SLCO4A1: variants seen among roughly 807,000 people sequenced by gnomAD.
The protein encoded by SLCO4A1 is colon organic anion transporter.
A neutral mutation model predicts 64.6 loss-of-function variants in SLCO4A1; 51 were observed. That is an observed-to-expected ratio of 0.79 (90% CI 0.63 to 1.00). The LOEUF (loss-of-function observed/expected upper bound fraction) is 1.00, where lower values mean the gene tolerates loss of function less well. Among genes scored for constraint, SLCO4A1 ranks in the 50% least tolerant of loss-of-function variants. The pLI, the probability that SLCO4A1 is intolerant of heterozygous loss-of-function variation, is 0.00. For synonymous variants in SLCO4A1, 471 were observed against 444.9 expected (o/e 1.06, Z -0.74); for missense variants, 919 against 980.5 (o/e 0.94, Z 0.84).
At chr20:62,655,028 T>G (rs1263096350) in intron 1 of SLCO4A1, among the ~76,000 whole-genome samples, 1 of 152,224 alleles carries the variant, frequency 6.6e-6, no homozygotes. Flanking sequence ...AATGTCCCTG[T>G]TTAACCTTAG....
downstream of SLCO4A1, among the ~76,000 whole-genome samples, chr20:62,685,957 C>T (rs2147119083): frequency 6.6e-6 from 1 of 152,204 alleles, no homozygotes; most frequent in South Asian, 2.1e-4. This position sits in a 1 kb window ranked among gnomAD's most constrained non-coding sequence, Gnocchi z 4.6. Flanking sequence ...CCTCCCTGGC[C>T]ACTCCCATCT....
downstream of SLCO4A1, among the ~76,000 whole-genome samples, chr20:62,672,814 C>T (rs1160989477): frequency 6.6e-6 from 1 of 152,068 alleles, no homozygotes; most frequent in African/African-American, 2.4e-5. Flanking sequence ...CTCTGCCATC[C>T]GGAGCTCCTT....
chr20:62,654,495 C>G lies in SLCO4A1; in HGVS notation c.-96-1864C>G, dbSNP rs576025758. On this transcript the variant is annotated intron_variant, in intron 1 of 11. Transcript: ENST00000217159. ...CCAGCCCAGGTCCCCACGGGACTGC[C>G]TGCTGTCCCTGCATCTCCGTGCATC... Among the ~76,000 whole-genome samples the G allele has an allele frequency of 1.3e-4, 20 of 152,258 alleles. No homozygotes were observed. The East Asian group carries it at 1.7e-3, about 13-fold the overall frequency.
At chr20:62,669,397 T>C (rs1986925409) in intron 11 of SLCO4A1, among the ~76,000 whole-genome samples, 3 of 152,216 alleles carry the variant, frequency 2.0e-5, no homozygotes, top group African/African-American at 4.8e-5. Context: ...GGGATGCCCG[T>C]TAACTAAAAG....
chr20:62,671,565 A>G (rs1414658657), intron 11 of SLCO4A1, among the ~76,000 whole-genome samples, 185 bp from the exon 12 acceptor site: 1 of 151,478 alleles, frequency 6.6e-6, no homozygotes, highest in Admixed American at 6.6e-5. Flanking sequence ...CCTCTTTAAC[A>G]ATATTGGCGT....
chr20:62,658,896 G>A, intron 3 of SLCO4A1, 129 bp downstream of exon 3: 1 of 772,474 alleles, frequency 1.3e-6, no homozygotes, highest in Non-Finnish European at 2.1e-6. Context: ...CCCCCGGGCT[G>A]GAGGGAGTCA....
intron 6 of SLCO4A1, 40 bp downstream of exon 6, chr20:62,665,128 C>T (rs1191532257): frequency 8.9e-6 from 14 of 1,575,716 alleles, no homozygotes; most frequent in Admixed American, 5.5e-5. Context: ...GCTTTTATGT[C>T]AGTTCTCAGA....
chr20:62,660,372 G>T, intron 3 of SLCO4A1, 40 bp from the exon 4 acceptor site: 1 of 1,591,150 alleles, frequency 6.3e-7, no homozygotes, highest in Non-Finnish European at 8.5e-7. Flanking sequence ...GGGCACAGGT[G>T]GGCTGCACGC....
At position 62,668,510 on chromosome 20, in the gene SLCO4A1, G is replaced by T. The variant is rs1601675074; in HGVS notation, c.1845G>T (p.Leu615=). The change falls in exon 10 of 12, where the codon CTG becomes CTT. Residue 615 remains leucine (L), a synonymous_variant. Transcript: ENST00000217159. ...CVRDPQRSFA[L]GIQWIVVRIL... ...GTGACCCTCAGAGATCCTTTGCCCTGGGAATCCAGTGGATTGTAGTTAGAA... is the reference window on the plus strand; with the variant it reads ...GTGACCCTCAGAGATCCTTTGCCCTTGGAATCCAGTGGATTGTAGTTAGAA... 1.9e-6 allele frequency: 3 copies of T among 1,613,934 alleles called. No homozygotes were observed. The highest frequency in any genetic ancestry group is 1.7e-4 in the Middle Eastern group (1 of 6,056).
At chr20:62,664,106 A>G (rs1455457353) in intron 5 of SLCO4A1, among the ~76,000 whole-genome samples, 1 of 152,092 alleles carries the variant, frequency 6.6e-6, no homozygotes, top group South Asian at 2.1e-4. Context: ...CCAGGGGGCT[A>G]TGTCCTTATC....
At position 62,660,132 on chromosome 20, in the gene SLCO4A1, G is replaced by A. The variant is rs1336440439; in HGVS notation, c.888-280G>A. On this transcript the variant is annotated intron_variant, in intron 3 of 11. Transcript: ENST00000217159. ...CCTCTTAGTGCCCAACCCCACCGTG[G>A]TCTCAGGACCAGGCCACAGGTGGCA... is the stretch of plus-strand genomic sequence containing the variant. Among the ~76,000 whole-genome samples, 13 of 152,308 alleles carry A rather than the reference G, an allele frequency of 8.5e-5. No homozygotes were observed. In the East Asian group the frequency reaches 2.5e-3, roughly 29 times the overall value.
downstream of SLCO4A1, among the ~76,000 whole-genome samples, chr20:62,674,803 G>A (rs1987510556): frequency 6.6e-6 from 1 of 152,206 alleles, no homozygotes; most frequent in South Asian, 2.1e-4. Context: ...TGTAACAGAG[G>A]AAGAGACCAA....
intron 5 of SLCO4A1, among the ~76,000 whole-genome samples, chr20:62,664,150 A>T (rs1485945416): frequency 6.6e-6 from 1 of 152,068 alleles, no homozygotes; most frequent in African/African-American, 2.4e-5. Context: ...CAACAGGCAG[A>T]TGTGGAGGCT....
rs957584980 is a variant in SLCO4A1, at chr20:62,661,641, C to G, written c.1121+466C>G. Among the ~76,000 whole-genome samples, 2 of 151,106 alleles carry G rather than the reference C, an allele frequency of 1.3e-5. No homozygotes were observed. The highest frequency in any genetic ancestry group is 3.0e-5 in the Non-Finnish European group (2 of 67,658). ...CAGGTGTCACCTGTGCCGTACCCCCCGGGCCCTGGGATGCTGCCCCCCCAT... is the reference window on the plus strand; with the variant it reads ...CAGGTGTCACCTGTGCCGTACCCCCGGGGCCCTGGGATGCTGCCCCCCCAT... On this transcript the variant is annotated intron_variant, in intron 5 of 11. Coordinates refer to ENST00000217159, the MANE Select transcript of SLCO4A1 (RefSeq NM_016354.4). The surrounding 1 kb of genome is among the most constrained non-coding windows in gnomAD (Gnocchi z 5.2).
chr20:62,685,399 A>T lies in SLCO4A1; in HGVS notation n.212-42A>T. On this transcript the variant is annotated intron_variant and non_coding_transcript_variant, in intron 2 of 2. Transcript: ENST00000466818. The surrounding 1 kb of genome is among the most constrained non-coding windows in gnomAD (Gnocchi z 4.6). Reference sequence around the variant, plus strand: ...CTTCCACTCTGCTGTGGCCTGACCAAGCGGGCTGTTTTCTTGCTTTGTTTG... The same window carrying T: ...CTTCCACTCTGCTGTGGCCTGACCATGCGGGCTGTTTTCTTGCTTTGTTTG... 2.0e-6 allele frequency: 2 copies of T among 979,854 alleles called. No homozygotes were observed. The highest frequency in any genetic ancestry group is 2.4e-6 in the Non-Finnish European group (2 of 824,820). 60.7% of individuals were successfully genotyped at this position (979,854 alleles called of 1,614,324 possible).
At position 62,672,082 on chromosome 20, in the gene SLCO4A1, T is replaced by G; in HGVS notation, c.*189T>G. On this transcript the variant is annotated 3_prime_UTR_variant, in exon 12 of 12. Transcript: ENST00000217159. ...CGGCCCTGCAGTGGGTGGGAGGAAC[T>G]TGCATAAATATATATTTATGGACAC... The G allele has an allele frequency of 6.8e-7, 1 of 1,466,006 alleles. No homozygotes were observed. The highest frequency in any genetic ancestry group is 9.0e-7 in the Non-Finnish European group (1 of 1,109,724). 90.8% of individuals were successfully genotyped at this position (1,466,006 alleles called of 1,614,324 possible).
intron 1 of SLCO4A1, among the ~76,000 whole-genome samples, chr20:62,655,613 G>C (rs1481037877): frequency 2.0e-5 from 3 of 152,174 alleles, no homozygotes; most frequent in African/African-American, 7.2e-5. Flanking sequence ...GGGTTCAGAA[G>C]GAAGGTGGCA....
At chr20:62,659,770 G>A (rs560900565) in intron 3 of SLCO4A1, among the ~76,000 whole-genome samples, 15 of 152,324 alleles carry the variant, frequency 9.8e-5, no homozygotes, top group African/African-American at 3.4e-4. Context: ...CTCTGCTCCC[G>A]GCCTTTGCTG....
chr20:62,655,798 ACG>A (rs1983589674), intron 1 of SLCO4A1, among the ~76,000 whole-genome samples: 1 of 152,162 alleles, frequency 6.6e-6, no homozygotes, highest in African/African-American at 2.4e-5. Flanking sequence ...CAAACTCTGC[ACG>A]GAGAGGAGCT....
Sources: gnomAD v4.1 joint callset for allele counts (sites outside exome capture counted in the v4.1 genomes callset) on GRCh38, gnomAD v4.1.1 for gene constraint, Gnocchi (gnomAD v3.1) non-coding constraint, MANE v1.5 for transcripts, NCBI Gene and HGNC (gene_info 2026-07-23, HGNC 2026-07-21) for gene names.